CLEC2D: variants seen among roughly 807,000 people sequenced by gnomAD.
CLEC2D encodes C-type lectin domain family 2 member D.
CLEC2D carries 16 observed loss-of-function variants against 20.0 expected under a neutral mutation model. The ratio of observed to expected loss-of-function variants is 0.80; its 90% CI spans 0.54 to 1.22. The LOEUF is 1.22. Ranked by LOEUF, CLEC2D falls within the 50% of genes most tolerant of loss-of-function variation. The pLI is 0.00. For synonymous variants in CLEC2D, 77 were observed against 71.1 expected, an observed-to-expected ratio of 1.08 and a Z score of -0.42; for missense variants, 207 against 221.5, an observed-to-expected ratio of 0.93 and a Z score of 0.42.
chr12:9,680,857 T>C (rs1865619791), intron 1 of CLEC2D, 66 bp from the exon 2 acceptor site: 4 of 780,108 alleles, frequency 5.1e-6, no homozygotes, highest in Non-Finnish European at 8.7e-6. Flanking sequence ...ATTTTGATGC[T>C]TAATGTTTCT....
intron 1 of CLEC2D, among the ~76,000 whole-genome samples, chr12:9,677,875 C>G (rs1056798415): frequency 6.6e-6 from 1 of 152,088 alleles, no homozygotes; most frequent in African/African-American, 2.4e-5. Flanking sequence ...CCGGCAAATA[C>G]CACCACACTT....
At chr12:9,685,574 G>GTGGCTTTGCTGCAC (rs1020602691) in intron 2 of CLEC2D, among the ~76,000 whole-genome samples, 4 of 152,232 alleles carry the variant, frequency 2.6e-5, no homozygotes, top group Non-Finnish European at 5.9e-5. Flanking sequence ...TCCGGCTGCA[G>GTGGCTTTGCTGCAC]TGGCTTTGCT....
In CLEC2D at chr12:9,692,932, G is replaced by T; in HGVS notation, c.461+1G>T. 1 of 1,611,228 alleles carries T rather than the reference G, an allele frequency of 6.2e-7. No homozygotes were observed. Among genetic ancestry groups the T allele is most frequent in the Non-Finnish European group, 8.5e-7 (1 of 1,177,600 alleles). On this transcript the variant is annotated splice_donor_variant, in intron 4 of 4. Coordinates refer to ENST00000290855, the MANE Select transcript of CLEC2D (RefSeq NM_013269.6). LOFTEE classifies it high-confidence loss of function. ...TAAATGGTACTGAATGGACAAGACA[G>T]TAAGTTCTAAAAATCTGGCAGTAAT...
At chr12:9,694,720 A>G (rs766810089) in intron 4 of CLEC2D, 40 bp from the exon 5 acceptor site, 1 of 1,040,738 alleles carries the variant, frequency 9.6e-7, no homozygotes, top group South Asian at 1.3e-5. Flanking sequence ...CTGTTGAAGA[A>G]ATGTTCAGTG....
At chr12:9,691,500 A>G (rs1865863237) in intron 3 of CLEC2D, among the ~76,000 whole-genome samples, 1 of 152,210 alleles carries the variant, frequency 6.6e-6, no homozygotes, top group African/African-American at 2.4e-5. Flanking sequence ...CTTAAACCAT[A>G]TGTTAGGCCA....
Position 9,683,322 on chromosome 12 carries a change from G to GTTTTTTTTTTTTTTTTTT in CLEC2D, c.172+2295_172+2296insTTTTTTTTTTTTTTTTTT, listed in dbSNP as rs1226655704. Among the ~76,000 whole-genome samples, 10 of 80,880 alleles carry GTTTTTTTTTTTTTTTTTT rather than the reference G, an allele frequency of 1.2e-4. 5 individuals are homozygous for GTTTTTTTTTTTTTTTTTT. The highest frequency in any genetic ancestry group is 1.4e-4 in the Non-Finnish European group (6 of 41,860). 53.1% of individuals were successfully genotyped at this position (80,880 alleles called of 152,430 possible). A position where few individuals can be genotyped will look rare whatever the true frequency, so the allele number is the denominator to read the frequency against. ...TGCCTGTTCACTCTGATGATAGTTT[G>GTTTTTTTTTTTTTTTTTT]TTTTTTGTGTTTGTTTTTTTTTTTT... On this transcript the variant is annotated intron_variant, in intron 2 of 4. Coordinates refer to ENST00000290855, the MANE Select transcript of CLEC2D (RefSeq NM_013269.6).
At chr12:9,682,534 A>C (rs759539803) in intron 2 of CLEC2D, among the ~76,000 whole-genome samples, 7 of 152,040 alleles carry the variant, frequency 4.6e-5, no homozygotes, top group Non-Finnish European at 8.8e-5. Context: ...CCAACCCTCA[A>C]CACGCCTCAG....
intron 1 of CLEC2D, among the ~76,000 whole-genome samples, chr12:9,670,464 T>G (rs1284236744): frequency 6.6e-6 from 1 of 152,184 alleles, no homozygotes; most frequent in Non-Finnish European, 1.5e-5. Flanking sequence ...GAACTCTAAA[T>G]GTTGTTAAAT....
Position 9,696,299 on chromosome 12 carries a change from G to A in CLEC2D, c.*1425G>A. The A allele has an allele frequency of 1.5e-6, 1 of 675,726 alleles. No individual in the cohort carries two copies. The highest frequency in any genetic ancestry group is 2.7e-6 in the Non-Finnish European group (1 of 365,190). 41.9% of individuals were successfully genotyped at this position (675,726 alleles called of 1,614,324 possible). ...TCATTTCTGTAACAGTTGATATCTG[G>A]CTGTCCTTTTTATAGTGCAGAGTGA... is the stretch of plus-strand genomic sequence containing the variant. On this transcript the variant is annotated 3_prime_UTR_variant, in exon 5 of 5. Coordinates refer to ENST00000290855, the MANE Select transcript of CLEC2D (RefSeq NM_013269.6).
At chr12:9,670,092 T>C (rs1865380488) in intron 1 of CLEC2D, among the ~76,000 whole-genome samples, 1 of 152,084 alleles carries the variant, frequency 6.6e-6, no homozygotes, top group South Asian at 2.1e-4. Flanking sequence ...ATACAAACTC[T>C]AAAGTGTTAC....
At chr12:9,676,861 A>G (rs6488120) in intron 1 of CLEC2D, among the ~76,000 whole-genome samples, 29,666 of 152,034 alleles carry the variant, frequency 0.2, 3,575 homozygotes, top group African/African-American at 0.33. Flanking sequence ...TAGGTCATCT[A>G]TTTCTCCATG....
At position 9,699,342 on chromosome 12, in the gene CLEC2D, A is replaced by G. The variant is rs1866073752; in HGVS notation, c.*4468A>G. 6.6e-6 allele frequency: 1 copy of G among 152,198 alleles called. No homozygotes were observed. The highest frequency in any genetic ancestry group is 6.5e-5 in the Admixed American group (1 of 15,272). 9.4% of individuals were successfully genotyped at this position (152,198 alleles called of 1,614,324 possible). A position where few individuals can be genotyped will look rare whatever the true frequency, so the allele number is the denominator to read the frequency against. On this transcript the variant is annotated 3_prime_UTR_variant, in exon 5 of 5. Transcript: ENST00000290855. Reference sequence around the variant, plus strand: ...TTAACTTTTAATTATTCTTAATGGAAAGACACTTCTGTATACACTGGAAAT... The same window carrying G: ...TTAACTTTTAATTATTCTTAATGGAGAGACACTTCTGTATACACTGGAAAT...
In CLEC2D at chr12:9,696,210, G is replaced by T; in HGVS notation, c.*1336G>T. The T allele has an allele frequency of 1.2e-6, 1 of 847,876 alleles. No individual in the cohort carries two copies. The highest frequency in any genetic ancestry group is 2.0e-6 in the Non-Finnish European group (1 of 498,064). The allele number at this position is 847,876 out of a possible 1,614,324, so 52.5% of individuals were successfully genotyped here. ...ACCAAGAGGCTATTCAAGATCTCTG[G>T]CAGTGGAGGAAGTCTCTTTAAGAAA... On this transcript the variant is annotated 3_prime_UTR_variant, in exon 5 of 5. Coordinates refer to ENST00000290855, the MANE Select transcript of CLEC2D (RefSeq NM_013269.6).
At chr12:9,694,045 C>T in intron 4 of CLEC2D, 1 of 177,024 alleles carries the variant, frequency 5.6e-6, no homozygotes, top group Non-Finnish European at 1.2e-5. Flanking sequence ...AACTCCTGAG[C>T]TCAAGCAATC....
chr12:9,696,376 A>G lies in CLEC2D; in HGVS notation c.*1502A>G, dbSNP rs1591707237. 2 of 501,862 alleles carry G rather than the reference A, an allele frequency of 4.0e-6. No homozygotes were observed. Among genetic ancestry groups the G allele is most frequent in the East Asian group, 3.5e-5 (1 of 28,800 alleles). 31.1% of individuals were successfully genotyped at this position (501,862 alleles called of 1,614,324 possible). ...TGTTGTCCAGGTTCTATTGCCAAGA[A>G]TGTGTTGTCCAAAATGCCTGTTTAG... On this transcript the variant is annotated 3_prime_UTR_variant, in exon 5 of 5. Coordinates refer to ENST00000290855, the MANE Select transcript of CLEC2D (RefSeq NM_013269.6).
chr12:9,671,287 G>A (rs924533606), intron 1 of CLEC2D, among the ~76,000 whole-genome samples: 1 of 152,260 alleles, frequency 6.6e-6, no homozygotes, highest in Admixed American at 6.5e-5. Flanking sequence ...GCAGTGGCGC[G>A]ATCTCGGCTC....
At chr12:9,683,261 G>A (rs979157265) in intron 2 of CLEC2D, among the ~76,000 whole-genome samples, 3 of 148,864 alleles carry the variant, frequency 2.0e-5, no homozygotes, top group Admixed American at 2.0e-4. Context: ...TTTGTCAAAC[G>A]GATAGATTGC....
intron 1 of CLEC2D, among the ~76,000 whole-genome samples, chr12:9,676,431 T>C (rs12302794): frequency 0.023 from 3,539 of 152,302 alleles, 149 homozygotes; most frequent in African/African-American, 0.081. Flanking sequence ...TATATTGATA[T>C]AATCAAGTGA....
chr12:9,693,184 G>A, intron 4 of CLEC2D: 1 of 1,112,340 alleles, frequency 9.0e-7, no homozygotes, highest in Non-Finnish European at 1.4e-6. Context: ...TTCATTTTAA[G>A]CAAACCATAC....
Sources: allele counts gnomAD v4.1 joint callset (sites outside exome capture counted in the v4.1 genomes callset), GRCh38; gene constraint gnomAD v4.1.1; transcripts MANE v1.5; gene names NCBI Gene and HGNC (gene_info 2026-07-23, HGNC 2026-07-21).